SCAND1: variants seen among roughly 807,000 people sequenced by gnomAD.
The protein encoded by SCAND1 is SCAN domain containing 1, also known as SCAN domain-containing protein 1.
SCAND1 carries 3 observed loss-of-function variants against 3.4 expected under a neutral mutation model. The observed-to-expected ratio is 0.87, with a 90% CI of 0.40 to 2.25. The LOEUF is 2.25. Among genes scored for constraint, SCAND1 ranks in the 30% most tolerant of loss-of-function variants. The pLI, the probability that SCAND1 is intolerant of heterozygous loss-of-function variation, is 0.05. For synonymous variants in SCAND1, 152 were observed against 120.5 expected, an observed-to-expected ratio of 1.26 and a Z score of -1.72; for missense variants, 303 against 258.8, an observed-to-expected ratio of 1.17 and a Z score of -1.17.
chr20:35,958,835 C>A (rs2056282804), upstream of SCAND1: 1 of 152,192 alleles, frequency 6.6e-6, no homozygotes, highest in Non-Finnish European at 1.5e-5. Flanking sequence ...ATGTCTATAA[C>A]TGTGTTATTT....
Position 35,954,019 on chromosome 20 carries a change from G to A in SCAND1, c.266C>T (p.Ala89Val). ...GGGGCCTGGTGTGGAGCGCGCTTCA[G>A]CTTCGGCCTGAGGCGCTACGCTCAC... Reference protein sequence around the residue: ...APVSVAPQAEAEARSTPGPAG... With the variant: ...APVSVAPQAEVEARSTPGPAG... Residue 89 changes from alanine (A) to valine (V), a missense_variant, in exon 2 of 2, where the codon GCT (alanine) becomes GTT (valine). Ala to Val is a moderately conservative substitution (Grantham distance 64). Coordinates refer to ENST00000305978, the MANE Select transcript of SCAND1 (RefSeq NM_033630.3). 2.6e-6 allele frequency: 4 copies of A among 1,546,328 alleles called. No homozygotes were observed. Among genetic ancestry groups the A allele is most frequent in the Non-Finnish European group, 3.5e-6 (4 of 1,145,434 alleles).
upstream of SCAND1, chr20:35,958,831 A>G (rs1307560692): frequency 6.6e-6 from 1 of 152,234 alleles, no homozygotes; most frequent in Non-Finnish European, 1.5e-5. Flanking sequence ...CTCCATGTCT[A>G]TAACTGTGTT....
rs2056213572 is a variant in SCAND1 at position 35,954,103 on chromosome 20, A to C, written c.182T>G (p.Ile61Ser). ...GGAGGCCGCAGCTCGGGGCGTAGGG[A>C]TGGCTTCAGGGACCGCGGCGTTGGG... ...SSPNAAVPEAIPTPRAAASAA... is the reference protein window; with the variant it reads ...SSPNAAVPEASPTPRAAASAA... The change falls in exon 2 of 2, where the codon ATC (isoleucine) becomes AGC (serine). Residue 61 changes from isoleucine to serine, a missense_variant. Physicochemically the swap from Ile to Ser is moderately radical, Grantham distance 142. Coordinates refer to ENST00000305978, the MANE Select transcript of SCAND1 (RefSeq NM_033630.3). 6.5e-7 allele frequency: 1 copy of C among 1,539,894 alleles called. No individual in the cohort carries two copies. Among genetic ancestry groups the C allele is most frequent in the Admixed American group, 2.0e-5 (1 of 50,676 alleles).
chr20:35,954,780 C>G (rs551120734), upstream of SCAND1: 5 of 404,328 alleles, frequency 1.2e-5, no homozygotes, highest in Non-Finnish European at 2.3e-5. Flanking sequence ...GGCGCCCCTT[C>G]TGATTGACCC....
chr20:35,957,350 G>T (rs570817209), upstream of SCAND1, among the ~76,000 whole-genome samples: 243 of 152,296 alleles, frequency 1.6e-3, no homozygotes, highest in African/African-American at 5.7e-3. Context: ...ACTTTGGGAG[G>T]CATAGGCAGG....
In SCAND1 at chr20:35,953,772, G is replaced by A; in HGVS notation, c.513C>T (p.Arg171=). Reference sequence around the variant, plus strand: ...AGCCAGTGATGCGCACATCCGTGCGGCGGCGGATCCGCCGGGCCCGAGCCG... The same window carrying A: ...AGCCAGTGATGCGCACATCCGTGCGACGGCGGATCCGCCGGGCCCGAGCCG... ...PEAARARRIR[R]RTDVRITG is the part of the protein sequence containing the mutation. Residue 171 remains arginine (R), a synonymous_variant, in exon 2 of 2, where the codon CGC becomes CGT. Coordinates refer to ENST00000305978, the MANE Select transcript of SCAND1 (RefSeq NM_033630.3). 6.7e-7 allele frequency: 1 copy of A among 1,485,380 alleles called. No individual in the cohort carries two copies. The allele number at this position is 1,485,380 out of a possible 1,614,324, so 92.0% of individuals were successfully genotyped here.
At position 35,954,030 on chromosome 20, in the gene SCAND1, A is replaced by C; in HGVS notation, c.255T>G (p.Pro85=). Residue 85 remains proline (P), a synonymous_variant, in exon 2 of 2, where the codon CCT becomes CCG. Transcript: ENST00000305978. ...TGGAGCGCGCTTCAGCTTCGGCCTG[A>C]GGCGCTACGCTCACGGGTGCGGGCC... ...PLGPAPVSVA[P]QAEAEARSTP... The C allele has an allele frequency of 6.5e-7, 1 of 1,544,170 alleles. No individual in the cohort carries two copies. Among genetic ancestry groups the C allele is most frequent in the Non-Finnish European group, 8.7e-7 (1 of 1,144,106 alleles).
chr20:35,955,599 C>T (rs1328758723), upstream of SCAND1, among the ~76,000 whole-genome samples: 1 of 152,066 alleles, frequency 6.6e-6, no homozygotes, highest in Non-Finnish European at 1.5e-5. Context: ...AGGTAAACTG[C>T]TTGCTATCTC....
chr20:35,956,365 A>G (rs1361026323), upstream of SCAND1, among the ~76,000 whole-genome samples: 1 of 152,172 alleles, frequency 6.6e-6, no homozygotes, highest in African/African-American at 2.4e-5. Flanking sequence ...TTTCTTGAAA[A>G]AACGGAAGAG....
upstream of SCAND1, chr20:35,954,692 C>A: frequency 8.7e-7 from 1 of 1,146,458 alleles, no homozygotes; most frequent in Non-Finnish European, 1.1e-6. Context: ...GAGGAGGAGC[C>A]TGAATGTTTG....
chr20:35,954,394 C>A, intron 1 of SCAND1, 54 bp downstream of exon 1: 2 of 1,562,172 alleles, frequency 1.3e-6, no homozygotes, highest in Non-Finnish European at 1.7e-6. Context: ...GCAGAGCTCG[C>A]GTCACCCTTG....
upstream of SCAND1, among the ~76,000 whole-genome samples, chr20:35,957,266 T>C (rs1296172867): frequency 2.0e-5 from 3 of 152,012 alleles, no homozygotes; most frequent in Non-Finnish European, 4.4e-5. Flanking sequence ...AAAAAAATAA[T>C]GTGGAGGGAA....
Position 35,953,918 on chromosome 20 carries a change from G to A in SCAND1, c.367C>T (p.Arg123Trp), listed in dbSNP as rs1304273653. ...TCCCGCAGCTGCCGGAAAGCCTCCC[G>A]GGGACCCGCCGCATCCTGGTAGCGG... The part of the protein sequence containing the change: ...QFRYQDAAGP[R>W]EAFRQLRELS... The change falls in exon 2 of 2, where the codon CGG becomes TGG. Residue 123 changes from arginine to tryptophan, a missense_variant. Physicochemically the swap from Arg to Trp is moderately radical, Grantham distance 101 (BLOSUM62 -3). Transcript: ENST00000305978. 9.6e-6 allele frequency: 15 copies of A among 1,556,642 alleles called. No homozygotes were observed. Among genetic ancestry groups the A allele is most frequent in the Non-Finnish European group, 1.2e-5 (14 of 1,153,426 alleles).
upstream of SCAND1, chr20:35,958,926 A>T (rs1448892163): frequency 6.6e-6 from 1 of 152,204 alleles, no homozygotes; most frequent in East Asian, 1.9e-4. Context: ...TTCCCTGGAG[A>T]TTCACCCAAG....
upstream of SCAND1, chr20:35,955,301 A>G (rs2056243324): frequency 6.6e-6 from 1 of 152,294 alleles, no homozygotes; most frequent in Non-Finnish European, 1.5e-5. Flanking sequence ...ATACTTTTTA[A>G]TACTGATTAC....
chr20:35,956,810 C>G (rs1271844835), upstream of SCAND1, among the ~76,000 whole-genome samples: 1 of 152,084 alleles, frequency 6.6e-6, no homozygotes, highest in Admixed American at 6.6e-5. Context: ...AGCTGAGACT[C>G]AAGAACAAAA....
chr20:35,955,962 C>A (rs1323688021), upstream of SCAND1, among the ~76,000 whole-genome samples: 1 of 152,106 alleles, frequency 6.6e-6, no homozygotes, highest in African/African-American at 2.4e-5. Context: ...CTCAGGTGAT[C>A]CACTCTCCTC....
At position 35,954,294 on chromosome 20, in the gene SCAND1, T is replaced by C. The variant is rs781376594; in HGVS notation, c.-10A>G. ...GCTCCGTAGCCGCCATAACTCCAGCTCCGGGCGTCACTCTTTGTCCGGTAG... is the reference window on the plus strand; with the variant it reads ...GCTCCGTAGCCGCCATAACTCCAGCCCCGGGCGTCACTCTTTGTCCGGTAG... On this transcript the variant is annotated 5_prime_UTR_variant, in exon 2 of 2. Coordinates refer to ENST00000305978, the MANE Select transcript of SCAND1 (RefSeq NM_033630.3). 6.2e-7 allele frequency: 1 copy of C among 1,613,404 alleles called. No individual in the cohort carries two copies. Among genetic ancestry groups the C allele is most frequent in the Non-Finnish European group, 8.5e-7 (1 of 1,179,866 alleles).
In SCAND1 at chr20:35,954,099, A is replaced by G; in HGVS notation, c.186T>C (p.Pro62=). ...SPNAAVPEAI[P]TPRAAASAAL... is the part of the protein sequence containing the mutation. ...CCGCGGAGGCCGCAGCTCGGGGCGT[A>G]GGGATGGCTTCAGGGACCGCGGCGT... The change falls in exon 2 of 2, where the codon CCT becomes CCC. Residue 62 remains proline, a synonymous_variant. Transcript: ENST00000305978. 2 of 1,539,358 alleles carry G rather than the reference A, an allele frequency of 1.3e-6. No individual in the cohort carries two copies. The highest frequency in any genetic ancestry group is 2.5e-5 in the East Asian group (1 of 40,616).
Sources: allele counts gnomAD v4.1 joint callset (sites outside exome capture counted in the v4.1 genomes callset), GRCh38; gene constraint gnomAD v4.1.1; transcripts MANE v1.5; gene names NCBI Gene and HGNC (gene_info 2026-07-23, HGNC 2026-07-21).